C10orf67: variants seen among roughly 807,000 people sequenced by gnomAD.
The protein encoded by C10orf67 is chromosome 10 open reading frame 67, also known as uncharacterized protein C10orf67, mitochondrial.
A neutral mutation model predicts 35.6 loss-of-function variants in C10orf67; 60 were observed. The ratio of observed to expected loss-of-function variants is 1.68; its 90% CI spans 1.37 to 2.09. C10orf67 has a LOEUF of 2.09. Ranked by LOEUF, C10orf67 falls within the 30% of genes most tolerant of loss-of-function variation. The probability of loss-of-function intolerance (pLI) is 0.00; values close to 1 mark genes in which losing one functional copy is unlikely to be tolerated. For synonymous variants in C10orf67, 167 were observed against 115.8 expected, an observed-to-expected ratio of 1.44 and a Z score of -2.84; for missense variants, 474 against 330.2, an observed-to-expected ratio of 1.44 and a Z score of -3.38.
chr10:23,271,630 C>T (rs529716686), intron 8 of C10orf67, among the ~76,000 whole-genome samples: 1 of 152,244 alleles, frequency 6.6e-6, no homozygotes, highest in South Asian at 2.1e-4. Context: ...GAGTATATAG[C>T]AATATTTCAT....
intron 12 of C10orf67, among the ~76,000 whole-genome samples, chr10:23,242,016 G>A (rs1389843390): frequency 6.6e-6 from 1 of 151,738 alleles, no homozygotes; most frequent in Non-Finnish European, 1.5e-5. Flanking sequence ...CTGTTGCCCA[G>A]GCTGGAGTGC....
chr10:23,333,992 A>G (rs1332837338), intron 1 of C10orf67, among the ~76,000 whole-genome samples: 2 of 152,200 alleles, frequency 1.3e-5, no homozygotes, highest in African/African-American at 4.8e-5. Context: ...TAAATAAAAC[A>G]TGGTATTTCT....
chr10:23,227,206 A>G (rs551599566), intron 13 of C10orf67, among the ~76,000 whole-genome samples: 1 of 152,094 alleles, frequency 6.6e-6, no homozygotes, highest in East Asian at 1.9e-4. Context: ...CTGGCAAACC[A>G]AATCCAGCAG....
rs149589535 is a variant in C10orf67, at chr10:23,272,866, C to G, written c.976-5612G>C. On this transcript the variant is annotated intron_variant, in intron 8 of 15. Coordinates refer to ENST00000636213, the MANE Select transcript of C10orf67 (RefSeq NM_001371909.1). ...ACCTATTTAAGTCTTTCATTTATTT[C>G]AGCAGTATTTTATATTATTAACTGT... is the stretch of plus-strand genomic sequence containing the variant. Among the ~76,000 whole-genome samples, 432 of 152,264 alleles carry G rather than the reference C, an allele frequency of 2.8e-3. 1 individual carries two copies. Among genetic ancestry groups the G allele is most frequent in the Middle Eastern group, 0.024 (7 of 294 alleles).
chr10:23,267,207 G>C lies in C10orf67; in HGVS notation c.1023C>G (p.Ser341Arg), dbSNP rs1588632015. 2.8e-6 allele frequency: 2 copies of C among 715,662 alleles called. No homozygotes were observed. Among genetic ancestry groups the C allele is most frequent in the Middle Eastern group, 4.6e-4 (2 of 4,344 alleles). 44.3% of individuals were successfully genotyped at this position (715,662 alleles called of 1,614,324 possible). The change falls in exon 9 of 16, where the codon AGC becomes AGG. Residue 341 changes from serine to arginine, a missense_variant. Ser to Arg is a moderately radical substitution (Grantham distance 110, BLOSUM62 -1). Transcript: ENST00000636213. Reference protein sequence around the residue: ...EDKEMRKKYGSLSVKVARSAK... With the variant: ...EDKEMRKKYGRLSVKVARSAK... ...CTTAAATACAAACCTTTACACTTAA[G>C]CTGCCATACTTTTTTCTCATTTCCT...
At chr10:23,212,556 T>G (rs2132088219) in intron 15 of C10orf67, among the ~76,000 whole-genome samples, 2 of 152,302 alleles carry the variant, frequency 1.3e-5, no homozygotes, top group Middle Eastern at 6.8e-3. Context: ...GTTTTTAACC[T>G]GGGCTATGGC....
chr10:23,341,521 C>T (rs1363996551), intron 1 of C10orf67, among the ~76,000 whole-genome samples: 6 of 152,172 alleles, frequency 3.9e-5, no homozygotes, highest in Admixed American at 6.5e-5. Flanking sequence ...TCTAAACAGC[C>T]GTCAGAGTAA....
chr10:23,232,599 C>T (rs1351552728), intron 13 of C10orf67, among the ~76,000 whole-genome samples: 3 of 152,146 alleles, frequency 2.0e-5, no homozygotes, highest in African/African-American at 7.2e-5. Context: ...CTTCAGGTTA[C>T]TCTAGTAATG....
chr10:23,227,677 A>G (rs1180941928), intron 13 of C10orf67, among the ~76,000 whole-genome samples: 1 of 152,222 alleles, frequency 6.6e-6, no homozygotes, highest in East Asian at 1.9e-4. Context: ...ATGATTGTAT[A>G]TCTAGAAAAC....
intron 4 of C10orf67, among the ~76,000 whole-genome samples, chr10:23,314,680 T>C (rs1341393858): frequency 6.6e-6 from 1 of 152,146 alleles, no homozygotes; most frequent in Non-Finnish European, 1.5e-5. Context: ...ACTCAGTTTG[T>C]AGAAAAATCC....
At position 23,261,031 on chromosome 10, in the gene C10orf67, C is replaced by G. The variant is rs535039461; in HGVS notation, c.1200+5231G>C. Among the ~76,000 whole-genome samples, 227 of 152,272 alleles carry G rather than the reference C, an allele frequency of 1.5e-3. 2 individuals are homozygous for G. Among genetic ancestry groups the G allele is most frequent in the African/African-American group, 5.3e-3 (220 of 41,558 alleles). On this transcript the variant is annotated intron_variant, in intron 10 of 15. Transcript: ENST00000636213. ...AGAATCACACTCGAGGTTGTTTAGGCCTGTGACCATCATTTCTGGGGGAAT... is the reference window on the plus strand; with the variant it reads ...AGAATCACACTCGAGGTTGTTTAGGGCTGTGACCATCATTTCTGGGGGAAT...
intron 2 of C10orf67, among the ~76,000 whole-genome samples, chr10:23,322,764 T>G (rs1453565188): frequency 6.6e-6 from 1 of 152,108 alleles, no homozygotes; most frequent in Non-Finnish European, 1.5e-5. Context: ...AAATCATCTG[T>G]ACAACAAACT....
chr10:23,284,582 T>C (rs1164535702), intron 7 of C10orf67, among the ~76,000 whole-genome samples: 2 of 151,680 alleles, frequency 1.3e-5, no homozygotes, highest in African/African-American at 4.9e-5. Flanking sequence ...TCCAACCTAC[T>C]CAGGAGATTG....
intron 15 of C10orf67, among the ~76,000 whole-genome samples, chr10:23,222,392 G>A (rs1404856170): frequency 6.6e-6 from 1 of 152,106 alleles, no homozygotes; most frequent in Non-Finnish European, 1.5e-5. Flanking sequence ...CAGGCCATAA[G>A]TGAATTCATA....
At position 23,224,565 on chromosome 10, in the gene C10orf67, C is replaced by T. The variant is rs112632005; in HGVS notation, c.1435-747G>A. 3.1e-3 allele frequency among the ~76,000 whole-genome samples: 471 copies of T among 152,022 alleles called. 5 individuals are homozygous for T. The highest frequency in any genetic ancestry group is 0.011 in the African/African-American group (440 of 41,494). ...CGAGTTGAGAGAAGAAGGCTTCAGG[C>T]GATCAAACTTCTCCGAGCTAAAGGA... On this transcript the variant is annotated intron_variant, in intron 13 of 15. Transcript: ENST00000636213.
At chr10:23,340,837 T>C (rs1271943540) in intron 1 of C10orf67, among the ~76,000 whole-genome samples, 2 of 152,212 alleles carry the variant, frequency 1.3e-5, no homozygotes, top group African/African-American at 4.8e-5. Flanking sequence ...TTGGGGAAGA[T>C]AATTATGTTT....
intron 10 of C10orf67, among the ~76,000 whole-genome samples, chr10:23,260,197 C>T (rs190465079): frequency 7.0e-4 from 107 of 152,136 alleles, no homozygotes; most frequent in Middle Eastern, 3.4e-3. Flanking sequence ...CAGCATACTT[C>T]TTATCAGGAA....
intron 13 of C10orf67, among the ~76,000 whole-genome samples, chr10:23,233,035 C>A (rs1434354958): frequency 2.6e-5 from 4 of 152,172 alleles, no homozygotes; most frequent in South Asian, 2.1e-4. Flanking sequence ...TGCACACCTG[C>A]AGTCCCAGCT....
intron 4 of C10orf67, among the ~76,000 whole-genome samples, chr10:23,309,866 C>T (rs1844429909): frequency 6.6e-6 from 1 of 152,210 alleles, no homozygotes; most frequent in Admixed American, 6.5e-5. Context: ...TTAGTGCAGA[C>T]TCAAAGATTC....
Sources: gnomAD v4.1 joint callset for allele counts (sites outside exome capture counted in the v4.1 genomes callset) on GRCh38, gnomAD v4.1.1 for gene constraint, MANE v1.5 for transcripts, NCBI Gene and HGNC (gene_info 2026-07-23, HGNC 2026-07-21) for gene names.